WHAMM: variants seen among roughly 807,000 people sequenced by gnomAD.
The protein encoded by WHAMM is WASP homolog associated with actin, golgi membranes and microtubules, also known as WASP homolog-associated protein with actin, membranes and microtubules.
Under a neutral mutation model 76.5 loss-of-function variants are expected in WHAMM, and 67 were observed. The observed-to-expected ratio is 0.88, with a 90% confidence interval of 0.72 to 1.07. WHAMM has a LOEUF of 1.07. Among genes scored for constraint, WHAMM ranks in the 50% least tolerant of loss-of-function variants. The pLI is 0.00. For synonymous variants in WHAMM, 419 were observed against 422.1 expected (o/e 0.99, Z 0.09); for missense variants, 1,021 against 1,051.1 (o/e 0.97, Z 0.40).
chr15:82,822,879 CT>C (rs1237771101), intron 5 of WHAMM, among the ~76,000 whole-genome samples: 2 of 150,566 alleles, frequency 1.3e-5, no homozygotes, highest in African/African-American at 2.5e-5. Flanking sequence ...CATGCATACA[CT>C]ACATGGATAT....
intron 6 of WHAMM, 67 bp from the exon 7 acceptor site, chr15:82,826,343 T>C (rs1456777072): frequency 6.4e-7 from 1 of 1,556,584 alleles, no homozygotes; most frequent in Non-Finnish European, 8.9e-7. Context: ...GCTTTTTTCT[T>C]TTAATCTTTT....
intron 1 of WHAMM, among the ~76,000 whole-genome samples, chr15:82,811,186 G>T (rs2050622352): frequency 6.6e-6 from 1 of 152,216 alleles, no homozygotes; most frequent in Admixed American, 6.5e-5. Context: ...GAGCTCGTTA[G>T]TGGGGTCATT....
At position 82,826,826 on chromosome 15, in the gene WHAMM, C is replaced by A; in HGVS notation, c.1621C>A (p.Arg541=). 1.3e-6 allele frequency: 2 copies of A among 1,548,782 alleles called. No individual in the cohort carries two copies. The highest frequency in any genetic ancestry group is 1.7e-6 in the Non-Finnish European group (2 of 1,146,836). Residue 541 remains arginine, a synonymous_variant, in exon 8 of 10, where the codon CGA becomes AGA. Coordinates refer to ENST00000286760, the MANE Select transcript of WHAMM (RefSeq NM_001080435.3). Reference sequence around the variant, plus strand: ...CCAAGAACGTCAAAAAACACTCCAACGATTGAGATCATTTAAAGATGTAAG... The same window carrying A: ...CCAAGAACGTCAAAAAACACTCCAAAGATTGAGATCATTTAAAGATGTAAG... The part of the protein sequence containing the change: ...INQERQKTLQ[R]LRSFKDKRLA...
Position 82,819,552 on chromosome 15 carries a change from T to C in WHAMM, c.1270+64T>C. ...AAATTTAAGGAAATACAGACCATAT[T>C]ATCAATTACTTTTTGTAAATTATAA... On this transcript the variant is annotated intron_variant, in intron 5 of 9. Coordinates refer to ENST00000286760, the MANE Select transcript of WHAMM (RefSeq NM_001080435.3). The C allele has an allele frequency of 3.5e-6, 3 of 856,014 alleles. No homozygotes were observed. The South Asian group carries it at 6.7e-5, about 19-fold the overall frequency. The allele number at this position is 856,014 out of a possible 1,614,324, so 53.0% of individuals were successfully genotyped here. A position where few individuals can be genotyped will look rare whatever the true frequency, so the allele number is the denominator to read the frequency against.
Position 82,830,935 on chromosome 15 carries a change from C to G in WHAMM, c.1978C>G (p.Arg660Gly). 4 of 1,609,078 alleles carry G rather than the reference C, an allele frequency of 2.5e-6. No homozygotes were observed. The highest frequency in any genetic ancestry group is 1.1e-5 in the South Asian group (1 of 90,720). Reference protein sequence around the residue: ...PPPPPPPPPLRALSSSSQAAT... With the variant: ...PPPPPPPPPLGALSSSSQAAT... ...ACCGCCGCCCCCACCCCCTCCTCTC[C>G]GTGCTCTGTCCTCATCCTCTCAAGC... The change falls in exon 9 of 10, where the codon CGT (arginine) becomes GGT (glycine). Residue 660 changes from arginine (R) to glycine (G), a missense_variant. This residue lies in a region of WHAMM where 509 missense variants were observed against 492.3 expected (regional missense o/e 1.03). Coordinates refer to ENST00000286760, the MANE Select transcript of WHAMM (RefSeq NM_001080435.3).
intron 5 of WHAMM, among the ~76,000 whole-genome samples, chr15:82,820,256 T>C (rs576880512): frequency 1.3e-5 from 2 of 152,336 alleles, no homozygotes; most frequent in East Asian, 3.9e-4. Flanking sequence ...CTCTTTTTCA[T>C]TTAATACATA....
chr15:82,830,490 T>G (rs2051007655), intron 8 of WHAMM, 109 bp from the exon 9 acceptor site: 2 of 1,479,258 alleles, frequency 1.4e-6, no homozygotes, highest in Non-Finnish European at 1.8e-6. Context: ...CTTTGTGAAT[T>G]AGACCATCCA....
At chr15:82,826,349 C>A in intron 6 of WHAMM, 61 bp from the exon 7 acceptor site, 1 of 1,569,192 alleles carries the variant, frequency 6.4e-7, no homozygotes, top group African/African-American at 1.4e-5. Context: ...TTCTTTTAAT[C>A]TTTTATGCTA....
chr15:82,827,046 C>T (rs1415435454), intron 8 of WHAMM, among the ~76,000 whole-genome samples, 200 bp downstream of exon 8: 2 of 152,162 alleles, frequency 1.3e-5, no homozygotes, highest in African/African-American at 2.4e-5. Context: ...TACAAAATAA[C>T]TGCTGTTTTT....
chr15:82,816,667 A>C, intron 2 of WHAMM, 25 bp from the exon 3 acceptor site: 2 of 1,529,080 alleles, frequency 1.3e-6, no homozygotes, highest in African/African-American at 2.8e-5. Context: ...GCTCTTACTA[A>C]GAAAATTTTC....
At chr15:82,830,486 G>A in intron 8 of WHAMM, 113 bp from the exon 9 acceptor site, 4 of 1,476,044 alleles carry the variant, frequency 2.7e-6, no homozygotes, top group Non-Finnish European at 3.6e-6. Context: ...GTCACTTTGT[G>A]AATTAGACCA....
Position 82,809,763 on chromosome 15 carries a change from G to A in WHAMM, c.37G>A (p.Val13Met). Residue 13 changes from valine to methionine, a missense_variant, in exon 1 of 10, where the codon GTG becomes ATG. Coordinates refer to ENST00000286760, the MANE Select transcript of WHAMM (RefSeq NM_001080435.3). ...DEQPDSLEGWVPVREGLFAEP... is the reference protein window; with the variant it reads ...DEQPDSLEGWMPVREGLFAEP... ...GCAGCCTGACAGCCTGGAGGGCTGGGTGCCGGTCCGGGAGGGCCTCTTCGC... is the reference window on the plus strand; with the variant it reads ...GCAGCCTGACAGCCTGGAGGGCTGGATGCCGGTCCGGGAGGGCCTCTTCGC... 1.3e-6 allele frequency: 2 copies of A among 1,582,230 alleles called. No individual in the cohort carries two copies. The highest frequency in any genetic ancestry group is 1.1e-5 in the South Asian group (1 of 87,060).
chr15:82,826,072 A>T (rs2050926760), intron 6 of WHAMM, among the ~76,000 whole-genome samples: 1 of 152,204 alleles, frequency 6.6e-6, no homozygotes, highest in Admixed American at 6.5e-5. Context: ...TGTGATGAGT[A>T]TTAATAATGT....
Position 82,831,097 on chromosome 15 carries a change from T to C in WHAMM, c.2122+18T>C. ...ATGTCCAGGTAATCCACTGGAATTC[T>C]GTCCCTGCTCCCCATGAGTTGTTAA... On this transcript the variant is annotated intron_variant, in intron 9 of 9. Transcript: ENST00000286760. The C allele has an allele frequency of 6.3e-7, 1 of 1,598,412 alleles. No individual in the cohort carries two copies. Among genetic ancestry groups the C allele is most frequent in the Non-Finnish European group, 8.5e-7 (1 of 1,177,168 alleles).
At chr15:82,814,766 C>CTTTTTTT (rs773443880) in intron 2 of WHAMM, among the ~76,000 whole-genome samples, 26 of 94,766 alleles carry the variant, frequency 2.7e-4, no homozygotes, top group East Asian at 6.3e-4. Context: ...TTTTTCCTTT[C>CTTTTTTT]TTTTTTTTTT....
chr15:82,826,654 G>C, intron 7 of WHAMM, 97 bp from the exon 8 acceptor site: 1 of 1,540,406 alleles, frequency 6.5e-7, no homozygotes. Context: ...GTAATGTTGG[G>C]GTACAGCCTC....
At chr15:82,827,891 G>A (rs958354338) in intron 8 of WHAMM, among the ~76,000 whole-genome samples, 4 of 152,182 alleles carry the variant, frequency 2.6e-5, no homozygotes, top group Admixed American at 1.3e-4. Context: ...GTTGCAGTGA[G>A]CTGAACTTGC....
intron 1 of WHAMM, chr15:82,810,681 C>T (rs2050613875): frequency 2.0e-6 from 2 of 985,420 alleles, no homozygotes; most frequent in Non-Finnish European, 2.4e-6. Flanking sequence ...ACAACCCATC[C>T]ATGTAGGAAA....
intron 2 of WHAMM, among the ~76,000 whole-genome samples, chr15:82,813,712 G>C (rs1384374018): frequency 2.2e-5 from 3 of 133,746 alleles, no homozygotes; most frequent in Admixed American, 8.4e-5. Context: ...CCAGGCTGGA[G>C]TGCAGTGGCA....
Sources: gnomAD v4.1 joint callset for allele counts (sites outside exome capture counted in the v4.1 genomes callset) on GRCh38, gnomAD v4.1.1 for gene constraint, gnomAD v4.1.1 regional missense constraint, MANE v1.5 for transcripts, NCBI Gene and HGNC (gene_info 2026-07-23, HGNC 2026-07-21) for gene names.